The following GABRP variants were observed in gnomAD, a reference collection of about 807,000 sequenced individuals.
The protein encoded by GABRP is gamma-aminobutyric acid type A receptor subunit pi.
GABRP carries 52 observed loss-of-function variants against 47.8 expected under a neutral mutation model. The ratio of observed to expected loss-of-function variants is 1.09; its 90% CI spans 0.87 to 1.37. The LOEUF (loss-of-function observed/expected upper bound fraction) is 1.37. Among genes scored for constraint, GABRP ranks in the 40% most tolerant of loss-of-function variants. The pLI is 0.00. For missense variants in GABRP, 525 were observed against 542.8 expected, an observed-to-expected ratio of 0.97 and a Z score of 0.33; for synonymous variants, 221 against 205.8, an observed-to-expected ratio of 1.07 and a Z score of -0.63.
intron 1 of GABRP, among the ~76,000 whole-genome samples, chr5:170,785,345 A>G (rs1765099349): frequency 6.6e-6 from 1 of 152,234 alleles, no homozygotes; most frequent in South Asian, 2.1e-4. Context: ...GACCTCAGCC[A>G]AATCCCCTTG....
chr5:170,783,595 C>T (rs2127244672), upstream of GABRP: 1 of 66,690 alleles, frequency 1.5e-5, no homozygotes, highest in East Asian at 8.1e-4. Flanking sequence ...TCTCCAGAAA[C>T]TCAGGACCAG....
At chr5:170,799,913 T>C (rs1765543183) in intron 6 of GABRP, among the ~76,000 whole-genome samples, 1 of 152,188 alleles carries the variant, frequency 6.6e-6, no homozygotes, top group Non-Finnish European at 1.5e-5. Context: ...ATGGCCATAC[T>C]ACCCAAGGAA....
rs1408323998 is a variant in GABRP at position 170,811,960 on chromosome 5, C to A, written c.1025C>A (p.Thr342Lys). Residue 342 changes from threonine to lysine, a missense_variant, in exon 10 of 10, where the codon ACA (threonine) becomes AAA (lysine). Thr to Lys is a moderately conservative substitution (Grantham distance 78, BLOSUM62 -1). Coordinates refer to ENST00000265294, the MANE Select transcript of GABRP (RefSeq NM_014211.3). Reference sequence around the variant, plus strand: ...ACTGCATTGTCTATGAACTAGGGGACAACAAAGGAAGTAGAAGAAGTCAGT... The same window carrying A: ...ACTGCATTGTCTATGAACTAGGGGAAAACAAAGGAAGTAGAAGAAGTCAGT... ...LQQMAAKDRG[T>K]TKEVEEVSIT... is the part of the protein sequence containing the mutation. The A allele has an allele frequency of 6.2e-7, 1 of 1,613,024 alleles. No homozygotes were observed. The highest frequency in any genetic ancestry group is 1.3e-5 in the African/African-American group (1 of 74,948).
In GABRP at chr5:170,812,572, C is replaced by G; in HGVS notation, c.*314C>G. ...CGGTGGCTCCCTGGTTTGCATTTAC[C>G]TCATATAAAGAATGGGAAGGAGACC... On this transcript the variant is annotated 3_prime_UTR_variant, in exon 10 of 10. Transcript: ENST00000265294. The G allele has an allele frequency of 3.8e-6, 1 of 264,672 alleles. No homozygotes were observed. The highest frequency in any genetic ancestry group is 4.8e-5 in the Admixed American group (1 of 20,824). 16.4% of individuals were successfully genotyped at this position (264,672 alleles called of 1,614,324 possible).
chr5:170,794,590 G>C (rs575248876), intron 4 of GABRP, among the ~76,000 whole-genome samples: 1 of 152,162 alleles, frequency 6.6e-6, no homozygotes, highest in African/African-American at 2.4e-5. Context: ...GCAATGAAGT[G>C]GGTACACTTG....
chr5:170,788,401 AT>A, intron 1 of GABRP, 172 bp from the exon 2 acceptor site: 4 of 439,856 alleles, frequency 9.1e-6, no homozygotes, highest in Non-Finnish European at 1.6e-5. Context: ...AAATGAAGTC[AT>A]TCCTGGAGGG....
intron 8 of GABRP, 24 bp from the exon 9 acceptor site, chr5:170,809,544 A>G (rs1448419585): frequency 1.2e-5 from 19 of 1,611,984 alleles, no homozygotes; most frequent in Non-Finnish European, 1.5e-5. Context: ...ACTTTGTAGG[A>G]ACATCCCCTG....
In GABRP at chr5:170,795,309, C is replaced by T. The variant is rs149165781; in HGVS notation, c.342C>T (p.Phe114=). The change falls in exon 5 of 10, where the codon TTC becomes TTT. Residue 114 remains phenylalanine (F), a synonymous_variant. Coordinates refer to ENST00000265294, the MANE Select transcript of GABRP (RefSeq NM_014211.3). The part of the protein sequence containing the change: ...SFTLDARLVE[F]LWVPDTYIVE... ...CTCTGGATGCCCGCCTCGTGGAGTT[C>T]CTCTGGGTGCCAGATACTTACATTG... 2 of 1,613,784 alleles carry T rather than the reference C, an allele frequency of 1.2e-6. No homozygotes were observed. The highest frequency in any genetic ancestry group is 1.3e-5 in the African/African-American group (1 of 74,838).
At position 170,812,042 on chromosome 5, in the gene GABRP, C is replaced by T. The variant is rs1299599956; in HGVS notation, c.1107C>T (p.Ala369=). The T allele has an allele frequency of 6.2e-7, 1 of 1,614,118 alleles. No homozygotes were observed. Among genetic ancestry groups the T allele is most frequent in the Non-Finnish European group, 8.5e-7 (1 of 1,180,014 alleles). ...GCTTTAAACGGAAGATCAGCTTTGC[C>T]AGCATTGAAATTTCCAGCGACAACG... The part of the protein sequence containing the change: ...ISSFKRKISF[A]SIEISSDNVD... Residue 369 remains alanine, a synonymous_variant, in exon 10 of 10, where the codon GCC becomes GCT. Transcript: ENST00000265294.
intron 1 of GABRP, among the ~76,000 whole-genome samples, chr5:170,784,791 C>T (rs968376056): frequency 2.4e-4 from 37 of 152,288 alleles, no homozygotes; most frequent in African/African-American, 8.9e-4. Flanking sequence ...TTAAATGACT[C>T]GGGTGTATCA....
rs771465288 is a variant in GABRP, at chr5:170,795,174, C to G, written c.241-34C>G. On this transcript the variant is annotated intron_variant, in intron 4 of 9. Transcript: ENST00000265294. ...GGTGGGGTTTTCTCACCCACTACCCCCATCCATTTCCATACCCTGCCTCCC... is the reference window on the plus strand; with the variant it reads ...GGTGGGGTTTTCTCACCCACTACCCGCATCCATTTCCATACCCTGCCTCCC... 4.0e-6 allele frequency: 6 copies of G among 1,493,998 alleles called. No individual in the cohort carries two copies. In the Admixed American group the frequency reaches 5.0e-5, roughly 12 times the overall value. The allele number at this position is 1,493,998 out of a possible 1,614,324, so 92.5% of individuals were successfully genotyped here.
At chr5:170,789,759 C>G (rs1765219256) in intron 3 of GABRP, among the ~76,000 whole-genome samples, 2 of 152,174 alleles carry the variant, frequency 1.3e-5, no homozygotes, top group South Asian at 4.1e-4. Flanking sequence ...CCACCCAAGT[C>G]CCCGCTCCTT....
intron 1 of GABRP, chr5:170,788,205 C>T (rs1008106797): frequency 1.3e-5 from 2 of 158,020 alleles, no homozygotes; most frequent in African/African-American, 4.8e-5. Context: ...AAAAATTACC[C>T]AGGTGTGGTG....
At position 170,813,927 on chromosome 5, in the gene GABRP, T is replaced by A. The variant is rs189921566; in HGVS notation, c.*1669T>A. On this transcript the variant is annotated 3_prime_UTR_variant, in exon 10 of 10. Coordinates refer to ENST00000265294, the MANE Select transcript of GABRP (RefSeq NM_014211.3). ...TGAGCCAATCATATTTGTGATTTTT[T>A]AAAAAAAGTTTAAAAGGAAATATCT... The A allele has an allele frequency of 2.4e-4, 36 of 152,254 alleles. No individual in the cohort carries two copies. Among genetic ancestry groups the A allele is most frequent in the Admixed American group, 2.2e-3 (33 of 15,276 alleles). 9.4% of individuals were successfully genotyped at this position (152,254 alleles called of 1,614,324 possible). A position where few individuals can be genotyped will look rare whatever the true frequency, so the allele number is the denominator to read the frequency against.
At chr5:170,805,660 G>A (rs1765713231) in intron 6 of GABRP, 56 bp from the exon 7 acceptor site, 4 of 1,597,312 alleles carry the variant, frequency 2.5e-6, no homozygotes, top group Non-Finnish European at 3.4e-6. Flanking sequence ...TTCCAGACCA[G>A]ACCAGTTCAA....
intron 3 of GABRP, among the ~76,000 whole-genome samples, chr5:170,792,696 C>T (rs1012700410): frequency 1.3e-5 from 2 of 152,202 alleles, no homozygotes; most frequent in Non-Finnish European, 2.9e-5. Flanking sequence ...CAGATATTAA[C>T]ATTCAATTAT....
intron 3 of GABRP, among the ~76,000 whole-genome samples, chr5:170,792,612 G>T (rs761238747): frequency 2.6e-5 from 4 of 152,170 alleles, no homozygotes; most frequent in Admixed American, 6.5e-5. Flanking sequence ...GCCCAGAGGG[G>T]CAGAAAGCCA....
rs144440912 is a variant in GABRP, at chr5:170,784,037, T to C, written c.-43+163T>C. Among the ~76,000 whole-genome samples the C allele has an allele frequency of 1.0e-3, 157 of 152,288 alleles. 1 individual carries two copies. Among genetic ancestry groups the C allele is most frequent in the African/African-American group, 3.6e-3 (149 of 41,552 alleles). On this transcript the variant is annotated intron_variant, in intron 1 of 9. Transcript: ENST00000265294. ...GCAGGACGAGCAGCAGAGCCAAGAT[T>C]AGAGCCCCTGCTGTCCTCACTACAG...
chr5:170,791,305 C>T (rs1765261405), intron 3 of GABRP, among the ~76,000 whole-genome samples: 1 of 152,200 alleles, frequency 6.6e-6, no homozygotes, highest in Admixed American at 6.5e-5. Context: ...TTGTTTTGTG[C>T]CTCTTGGCAC....
Sources: gnomAD v4.1 joint callset for allele counts (sites outside exome capture counted in the v4.1 genomes callset) on GRCh38, gnomAD v4.1.1 for gene constraint, MANE v1.5 for transcripts, NCBI Gene and HGNC (gene_info 2026-07-23, HGNC 2026-07-21) for gene names.